Variants in MAD1L1 observed in about 807,000 individuals in gnomAD.
The protein encoded by MAD1L1 is mitotic arrest deficient 1 like 1, also known as mitotic spindle assembly checkpoint protein MAD1.
MAD1L1 carries 95 observed loss-of-function variants against 96.9 expected under a neutral mutation model. That is an observed-to-expected ratio of 0.98 (90% CI 0.83 to 1.16). The LOEUF is 1.16. MAD1L1 is among the 50% of genes most tolerant of loss of function. The pLI is 0.00. For missense variants in MAD1L1, 1,007 were observed against 954.4 expected, an observed-to-expected ratio of 1.06 and a Z score of -0.73; for synonymous variants, 473 against 396.6, an observed-to-expected ratio of 1.19 and a Z score of -2.29.
chr7:1,833,185 T>A (rs1486419743), intron 18 of MAD1L1, among the ~76,000 whole-genome samples: 2 of 152,276 alleles, frequency 1.3e-5, no homozygotes, highest in African/African-American at 4.8e-5. Context: ...ATAACTTTTA[T>A]ATGCACTGGG....
At chr7:2,166,553 C>G (rs761971159) in intron 10 of MAD1L1, among the ~76,000 whole-genome samples, 2 of 152,244 alleles carry the variant, frequency 1.3e-5, no homozygotes, top group East Asian at 3.8e-4. Flanking sequence ...TTTGGAAAAG[C>G]TGATCTTTTG....
At chr7:1,830,341 G>A (rs1209312877) in intron 18 of MAD1L1, among the ~76,000 whole-genome samples, 2 of 152,194 alleles carry the variant, frequency 1.3e-5, no homozygotes, top group African/African-American at 4.8e-5. Flanking sequence ...AGGTTGCAGT[G>A]AGCCGAGATC....
intron 5 of MAD1L1, among the ~76,000 whole-genome samples, chr7:2,222,068 T>G (rs1420542711): frequency 3.4e-5 from 5 of 149,152 alleles, no homozygotes; most frequent in East Asian, 2.0e-4. Context: ...GGCAAAAAAG[T>G]GCTTAACTTT....
intron 18 of MAD1L1, among the ~76,000 whole-genome samples, chr7:1,840,715 T>A (rs1290375255): frequency 1.3e-5 from 2 of 152,188 alleles, no homozygotes; most frequent in Non-Finnish European, 2.9e-5. Flanking sequence ...GGCAACAGAA[T>A]GAGACTCCAT....
chr7:2,038,070 G>A (rs973369707), intron 12 of MAD1L1, among the ~76,000 whole-genome samples: 1 of 152,214 alleles, frequency 6.6e-6, no homozygotes, highest in South Asian at 2.1e-4. Flanking sequence ...CGATAAGAAA[G>A]TGAAACTGTC....
intron 11 of MAD1L1, among the ~76,000 whole-genome samples, chr7:2,136,123 A>G (rs1442070776): frequency 6.6e-6 from 1 of 152,180 alleles, no homozygotes; most frequent in Admixed American, 6.5e-5. Flanking sequence ...TGCCTGTCAC[A>G]GCCACGTCCA....
chr7:2,104,573 C>G (rs1786989995), intron 11 of MAD1L1, among the ~76,000 whole-genome samples: 1 of 152,236 alleles, frequency 6.6e-6, no homozygotes, highest in Admixed American at 6.5e-5. Context: ...ACAGATCTTC[C>G]ACGAAAGCTC....
Position 1,860,648 on chromosome 7 carries a change from G to A in MAD1L1, c.1998+37552C>T, listed in dbSNP as rs188982037. ...TGGGGGCTCCCTTGGGTGCCTAACCGAGGGCAGGGGCTACTGGCGACTGCA... is the reference window on the plus strand; with the variant it reads ...TGGGGGCTCCCTTGGGTGCCTAACCAAGGGCAGGGGCTACTGGCGACTGCA... On this transcript the variant is annotated intron_variant, in intron 18 of 18. Transcript: ENST00000265854. Among the ~76,000 whole-genome samples, 72 of 152,296 alleles carry A rather than the reference G, an allele frequency of 4.7e-4. No individual in the cohort carries two copies. In the East Asian group the frequency reaches 7.9e-3, roughly 17 times the overall value.
chr7:2,122,993 G>A (rs1788053113), intron 11 of MAD1L1, among the ~76,000 whole-genome samples: 1 of 152,164 alleles, frequency 6.6e-6, no homozygotes. Flanking sequence ...CCTCCCTTCT[G>A]CTGAGTCTGG....
At position 2,056,875 on chromosome 7, in the gene MAD1L1, G is replaced by A. The variant is rs935867716; in HGVS notation, c.1218+12319C>T. Among the ~76,000 whole-genome samples the A allele has an allele frequency of 1.2e-4, 18 of 152,170 alleles. No homozygotes were observed. The East Asian group carries it at 3.5e-3, about 29-fold the overall frequency. On this transcript the variant is annotated intron_variant, in intron 12 of 18. Transcript: ENST00000265854. ...CCACGACCACCTACGGCATTGCCAC[G>A]GGGAAGCCGGGGAGACGTGGCACCT... is the stretch of plus-strand genomic sequence containing the variant.
At chr7:2,005,989 G>A (rs1782013793) in intron 13 of MAD1L1, among the ~76,000 whole-genome samples, 1 of 152,110 alleles carries the variant, frequency 6.6e-6, no homozygotes, top group African/African-American at 2.4e-5. Context: ...AATTCCAGGA[G>A]TGTGAAATGG....
At chr7:2,199,764 G>A (rs949329770) in intron 10 of MAD1L1, among the ~76,000 whole-genome samples, 37 of 152,210 alleles carry the variant, frequency 2.4e-4, no homozygotes, top group African/African-American at 3.9e-4. Flanking sequence ...CCTAGGAGAC[G>A]GCTTTCTCAG....
At chr7:1,875,902 G>T (rs1327328958) in intron 18 of MAD1L1, among the ~76,000 whole-genome samples, 1 of 152,192 alleles carries the variant, frequency 6.6e-6, no homozygotes, top group African/African-American at 2.4e-5. Flanking sequence ...GATCCAGCAG[G>T]GGCACCAGAG....
intron 15 of MAD1L1, among the ~76,000 whole-genome samples, chr7:1,972,822 C>T (rs12671506): frequency 0.034 from 5,131 of 152,162 alleles, 195 homozygotes; most frequent in East Asian, 0.084. Flanking sequence ...TTCTCAGCAC[C>T]GGTCTAGCTG....
chr7:1,980,399 C>A, intron 15 of MAD1L1, 54 bp downstream of exon 15: 1 of 1,482,904 alleles, frequency 6.7e-7, no homozygotes, highest in Non-Finnish European at 9.2e-7. Flanking sequence ...GCGTATCCGC[C>A]TCCTCTCTGG....
At chr7:1,837,550 C>T (rs1166080760) in intron 18 of MAD1L1, among the ~76,000 whole-genome samples, 5 of 152,218 alleles carry the variant, frequency 3.3e-5, no homozygotes, top group Admixed American at 3.3e-4. Flanking sequence ...CACCGGAATG[C>T]CCGTCAACAT....
chr7:2,055,437 G>A (rs975181429), intron 12 of MAD1L1, among the ~76,000 whole-genome samples: 20 of 152,112 alleles, frequency 1.3e-4, no homozygotes, highest in African/African-American at 4.6e-4. Flanking sequence ...CCAGGGAACC[G>A]GTGAGACATG....
chr7:1,976,832 T>G (rs1397016029), intron 15 of MAD1L1, among the ~76,000 whole-genome samples: 1 of 152,094 alleles, frequency 6.6e-6, no homozygotes, highest in Non-Finnish European at 1.5e-5. Context: ...TTACGAACCT[T>G]GAGCTAGACA....
In MAD1L1 at chr7:1,958,456, C is replaced by T. The variant is rs1024522564; in HGVS notation, c.1506-737G>A. On this transcript the variant is annotated intron_variant, in intron 15 of 18. Coordinates refer to ENST00000265854, the MANE Select transcript of MAD1L1 (RefSeq NM_001013836.2). ...TAGTGATGGAAAGATTACTCGACAC[C>T]GCACAGGGACAGGAGCAGGGACAGC... Among the ~76,000 whole-genome samples, 11 of 152,276 alleles carry T rather than the reference C, an allele frequency of 7.2e-5. 2 individuals carry two copies. The highest frequency in any genetic ancestry group is 1.5e-5 in the Non-Finnish European group (1 of 68,026).
Sources: gnomAD v4.1 joint callset for allele counts (sites outside exome capture counted in the v4.1 genomes callset) on GRCh38, gnomAD v4.1.1 for gene constraint, MANE v1.5 for transcripts, NCBI Gene and HGNC (gene_info 2026-07-23, HGNC 2026-07-21) for gene names.